CNOT1: variants seen among roughly 807,000 people sequenced by gnomAD.
The protein encoded by CNOT1 is CCR4-NOT transcription complex subunit 1, also known as CCR4-associated factor 1.
A neutral mutation model predicts 273.8 loss-of-function variants in CNOT1; 15 were observed. The observed-to-expected ratio is 0.05, with a 90% confidence interval of 0.04 to 0.08. CNOT1 has a LOEUF of 0.08. Ranked by LOEUF, CNOT1 falls within the 10% of genes least tolerant of loss-of-function variation. The pLI is 1.00. For missense variants in CNOT1, 1,644 were observed against 2,912.2 expected, an observed-to-expected ratio of 0.56 and a Z score of 10.02; for synonymous variants, 1,022 against 1,005.5, an observed-to-expected ratio of 1.02 and a Z score of -0.31.
intron 1 of CNOT1, among the ~76,000 whole-genome samples, chr16:58,629,080 C>A (rs1319949649): frequency 2.0e-5 from 3 of 152,228 alleles, no homozygotes; most frequent in Non-Finnish European, 1.5e-5. Context: ...AGCGCCCAGG[C>A]GCGCGAGTGG....
chr16:58,569,809 G>A (rs1368864847), intron 16 of CNOT1, among the ~76,000 whole-genome samples: 1 of 151,858 alleles, frequency 6.6e-6, no homozygotes, highest in East Asian at 1.9e-4. Context: ...AGAAGAAAAA[G>A]GTACGGAAAG....
chr16:58,629,815 T>C lies in CNOT1; in HGVS notation c.-262A>G, dbSNP rs765384762. On this transcript the variant is annotated 5_prime_UTR_variant, in exon 1 of 49. Coordinates refer to ENST00000317147, the MANE Select transcript of CNOT1 (RefSeq NM_016284.5). Reference sequence around the variant, plus strand: ...CGACCCCCTCTTCGGTTAACTCCGCTTGTTTCTCTACAAAATGGCGCCGGA... The same window carrying C: ...CGACCCCCTCTTCGGTTAACTCCGCCTGTTTCTCTACAAAATGGCGCCGGA... The C allele has an allele frequency of 1.3e-5, 2 of 152,282 alleles. No homozygotes were observed. Among genetic ancestry groups the C allele is most frequent in the Non-Finnish European group, 2.9e-5 (2 of 68,074 alleles). The allele number at this position is 152,282 out of a possible 1,614,324, so 9.4% of individuals were successfully genotyped here. A position where few individuals can be genotyped will look rare whatever the true frequency, so the allele number is the denominator to read the frequency against.
chr16:58,573,533 T>G (rs1359280301), intron 16 of CNOT1, among the ~76,000 whole-genome samples: 1 of 141,490 alleles, frequency 7.1e-6, no homozygotes, highest in Non-Finnish European at 1.5e-5. Context: ...CAGGCTGGAG[T>G]GCAGTGGCGA....
rs1162230585 is a variant in CNOT1, at chr16:58,585,348, A to G, written c.796T>C (p.Phe266Leu). The change falls in exon 8 of 49, where the codon TTT becomes CTT. Residue 266 changes from phenylalanine (F) to leucine (L), a missense_variant. Physicochemically the swap from Phe to Leu is conservative, Grantham distance 22. Coordinates refer to ENST00000317147, the MANE Select transcript of CNOT1 (RefSeq NM_016284.5). ...CATTTTACTACCAACCTTGCACAAA[A>G]GCCATAGCCTACTTCTTGCATGAAA... Reference protein sequence around the residue: ...ADFMQEVGYGFCASIEECRNI... With the variant: ...ADFMQEVGYGLCASIEECRNI... 2 of 1,613,896 alleles carry G rather than the reference A, an allele frequency of 1.2e-6. No individual in the cohort carries two copies. Among genetic ancestry groups the G allele is most frequent in the Admixed American group, 3.3e-5 (2 of 59,998 alleles).
rs529017713 is a variant in CNOT1, at chr16:58,591,620, G to A, written c.103-2714C>T. ...AATACAAAAATTAGCCGGACGTGGC[G>A]GCATGCTCCTGTAATCCCAGCTACT... On this transcript the variant is annotated intron_variant, in intron 2 of 48. Coordinates refer to ENST00000317147, the MANE Select transcript of CNOT1 (RefSeq NM_016284.5). Among the ~76,000 whole-genome samples the A allele has an allele frequency of 4.6e-5, 7 of 152,014 alleles. No individual in the cohort carries two copies. The East Asian group carries it at 9.7e-4, about 21-fold the overall frequency.
intron 16 of CNOT1, among the ~76,000 whole-genome samples, chr16:58,569,846 C>T (rs56861496): frequency 0.22 from 33,050 of 151,752 alleles, 3,805 homozygotes; most frequent in East Asian, 0.31. Context: ...ACTGAAAACC[C>T]GATAAATTTT....
intron 1 of CNOT1, among the ~76,000 whole-genome samples, chr16:58,626,515 ACTTTGGGAGGC>A (rs1225307384): frequency 6.6e-6 from 1 of 151,476 alleles, no homozygotes; most frequent in Admixed American, 6.6e-5. Flanking sequence ...TAATCCCAGC[ACTTTGGGAGGC>A]CGACGCGGGT....
intron 12 of CNOT1, among the ~76,000 whole-genome samples, chr16:58,579,722 G>A (rs911976378): frequency 5.9e-5 from 9 of 152,080 alleles, no homozygotes; most frequent in Non-Finnish European, 4.4e-5. Context: ...AATTCAGGCC[G>A]CGCTCTCTCC....
chr16:58,528,532 G>A lies in CNOT1; in HGVS notation c.6396C>T (p.Ile2132=), dbSNP rs144171074. ...PPNCIQLRNL[I]LSAFPRNMRL... ...TCATGTTTCTTGGAAAGGCACTCAG[G>A]ATCAAATTTCTTAACTGGATACAAT... is the stretch of plus-strand genomic sequence containing the variant. Residue 2132 remains isoleucine, a synonymous_variant, in exon 44 of 49, where the codon ATC becomes ATT. Coordinates refer to ENST00000317147, the MANE Select transcript of CNOT1 (RefSeq NM_016284.5). 33 of 1,613,458 alleles carry A rather than the reference G, an allele frequency of 2.0e-5. No homozygotes were observed. The African/African-American group carries it at 4.0e-4, about 20-fold the overall frequency.
rs149338584 is a variant in CNOT1 at position 58,525,168 on chromosome 16, G to A, written c.6784+11C>T. The A allele has an allele frequency of 5.1e-4, 818 of 1,612,140 alleles. 3 individuals are homozygous for A. In the African/African-American group the frequency reaches 9.2e-3, roughly 18 times the overall value. On this transcript the variant is annotated intron_variant, in intron 46 of 48. Coordinates refer to ENST00000317147, the MANE Select transcript of CNOT1 (RefSeq NM_016284.5). ...AGAACTCTACTCTGAAAACTGGCAG[G>A]CTTCACTCACCCTCAGTGTCCAAGT...
intron 1 of CNOT1, among the ~76,000 whole-genome samples, chr16:58,613,039 G>A (rs2042952482): frequency 6.6e-6 from 1 of 151,838 alleles, no homozygotes; most frequent in Non-Finnish European, 1.5e-5. Context: ...AGCAGTAGAG[G>A]TTTTTTGTTT....
chr16:58,556,566 G>C (rs763080224), intron 19 of CNOT1, among the ~76,000 whole-genome samples: 1 of 152,180 alleles, frequency 6.6e-6, no homozygotes, highest in Admixed American at 6.5e-5. Flanking sequence ...TTTAGGTTAA[G>C]TTCAAGAGTT....
intron 1 of CNOT1, among the ~76,000 whole-genome samples, chr16:58,602,075 T>G (rs900394638): frequency 6.6e-6 from 1 of 152,016 alleles, no homozygotes; most frequent in African/African-American, 2.4e-5. Flanking sequence ...TTTTTTATTT[T>G]TTATTTTTTT....
chr16:58,562,584 G>A (rs896279306), intron 16 of CNOT1, among the ~76,000 whole-genome samples: 7 of 151,960 alleles, frequency 4.6e-5, no homozygotes, highest in Non-Finnish European at 8.8e-5. Flanking sequence ...AGCACTTCGG[G>A]AGACAGAGGC....
intron 18 of CNOT1, among the ~76,000 whole-genome samples, chr16:58,557,977 C>G (rs148016580): frequency 3.3e-5 from 5 of 151,830 alleles, no homozygotes; most frequent in African/African-American, 1.2e-4. Context: ...GCAACAAGAG[C>G]GAAACCCTGT....
chr16:58,544,038 G>T lies in CNOT1; in HGVS notation c.4138-135C>A. The T allele has an allele frequency of 2.9e-6, 4 of 1,391,444 alleles. 1 individual carries two copies. In the South Asian group the frequency reaches 6.3e-5, roughly 22 times the overall value. The allele number at this position is 1,391,444 out of a possible 1,614,324, so 86.2% of individuals were successfully genotyped here. A position where few individuals can be genotyped will look rare whatever the true frequency, so the allele number is the denominator to read the frequency against. On this transcript the variant is annotated intron_variant, in intron 30 of 48. Transcript: ENST00000317147. ...AGTTTCTACTTAAAGTTAACCAATG[G>T]AAAATTCGGGTAACAGAAACTGAGC...
rs200707564 is a variant in CNOT1 at position 58,523,363 on chromosome 16, C to A, written c.6917+7G>T. 6.4e-7 allele frequency: 1 copy of A among 1,566,758 alleles called. No individual in the cohort carries two copies. Among genetic ancestry groups the A allele is most frequent in the East Asian group, 2.3e-5 (1 of 44,264 alleles). The stretch of plus-strand genomic sequence containing the variant: ...TGAAGCATTTAAAAAATAAGCTGCT[C>A]GCTTACCTTGTGATCTGTTCTTGGA... On this transcript the variant is annotated splice_region_variant and intron_variant, in intron 47 of 48. Transcript: ENST00000317147.
At chr16:58,555,948 C>T (rs774329940) in intron 19 of CNOT1, 40 bp from the exon 20 acceptor site, 2 of 1,600,948 alleles carry the variant, frequency 1.2e-6, no homozygotes, top group South Asian at 2.2e-5. Flanking sequence ...CATTTAAGCC[C>T]TTCCTCCACT....
intron 1 of CNOT1, among the ~76,000 whole-genome samples, chr16:58,621,909 T>C (rs2043337922): frequency 5.3e-5 from 1 of 18,776 alleles, no homozygotes; most frequent in African/African-American, 3.1e-4. Context: ...AGACTCCGTC[T>C]CAAAAAAAAA....
Sources: allele counts gnomAD v4.1 joint callset (sites outside exome capture counted in the v4.1 genomes callset), GRCh38; gene constraint gnomAD v4.1.1; transcripts MANE v1.5; gene names NCBI Gene and HGNC (gene_info 2026-07-23, HGNC 2026-07-21).